EBF2: variants seen among roughly 807,000 people sequenced by gnomAD.
The protein encoded by EBF2 is transcription factor COE2.
A neutral mutation model predicts 72.8 loss-of-function variants in EBF2; 21 were observed. The observed-to-expected ratio is 0.29, with a 90% confidence interval of 0.20 to 0.42. EBF2 has a LOEUF of 0.42. EBF2 is among the 10% of genes least tolerant of loss of function. EBF2 has a pLI of 1.00. For synonymous variants in EBF2, 299 were observed against 274.2 expected (o/e 1.09, Z -0.89); for missense variants, 637 against 731.2 (o/e 0.87, Z 1.49).
intron 6 of EBF2, among the ~76,000 whole-genome samples, chr8:26,002,046 G>A (rs1334104206): frequency 1.3e-5 from 2 of 152,194 alleles, no homozygotes; most frequent in South Asian, 2.1e-4. Flanking sequence ...ACAATAGCCA[G>A]AAAGGCCTCA....
intron 15 of EBF2, among the ~76,000 whole-genome samples, chr8:25,846,076 C>G (rs1563371406): frequency 6.6e-6 from 1 of 152,138 alleles, no homozygotes; most frequent in Admixed American, 6.6e-5. Flanking sequence ...GGATTAAGGT[C>G]TTACACAGCT....
intron 6 of EBF2, among the ~76,000 whole-genome samples, chr8:25,993,247 G>C (rs1804573829): frequency 6.6e-6 from 1 of 152,168 alleles, no homozygotes; most frequent in Non-Finnish European, 1.5e-5. Flanking sequence ...AGGTGCAAAT[G>C]AGACATCACT....
At chr8:25,934,272 CA>C (rs1563405459) in intron 6 of EBF2, among the ~76,000 whole-genome samples, 9 of 135,754 alleles carry the variant, frequency 6.6e-5, no homozygotes, top group Middle Eastern at 3.7e-3. Flanking sequence ...CACACACACA[CA>C]CACCAATCTT....
chr8:25,907,230 G>A (rs1803049639), intron 7 of EBF2, among the ~76,000 whole-genome samples: 1 of 151,538 alleles, frequency 6.6e-6, no homozygotes, highest in African/African-American at 2.4e-5. Context: ...ACCAACCTGG[G>A]CAACATGGCA....
chr8:26,013,609 C>A (rs1407373542), intron 6 of EBF2, among the ~76,000 whole-genome samples: 5 of 151,968 alleles, frequency 3.3e-5, no homozygotes, highest in South Asian at 2.1e-4. Flanking sequence ...CCCCAAATAG[C>A]AAATTGAGGT....
intron 6 of EBF2, among the ~76,000 whole-genome samples, chr8:25,931,107 T>C (rs897387836): frequency 1.1e-4 from 17 of 152,158 alleles, no homozygotes; most frequent in Admixed American, 1.1e-3. Flanking sequence ...CATTTTGCCA[T>C]AGAAACTTGG....
chr8:25,877,787 G>A (rs1477235606), intron 10 of EBF2, among the ~76,000 whole-genome samples: 2 of 152,094 alleles, frequency 1.3e-5, no homozygotes, highest in African/African-American at 4.8e-5. Flanking sequence ...CCTGGTGAAC[G>A]GACCCAGTCT....
At chr8:25,857,886 CTTGA>C (rs1290184906) in intron 14 of EBF2, among the ~76,000 whole-genome samples, 5 of 152,214 alleles carry the variant, frequency 3.3e-5, no homozygotes, top group African/African-American at 1.2e-4. Flanking sequence ...GCTATGTGAT[CTTGA>C]TTAAGTCAGA....
intron 10 of EBF2, among the ~76,000 whole-genome samples, chr8:25,866,522 TA>T (rs939544052): frequency 7.0e-6 from 1 of 143,464 alleles, no homozygotes; most frequent in Admixed American, 7.2e-5. Flanking sequence ...ATATATAATA[TA>T]AAAATATATA....
intron 10 of EBF2, among the ~76,000 whole-genome samples, chr8:25,875,749 C>T (rs150384250): frequency 2.0e-5 from 3 of 152,256 alleles, no homozygotes; most frequent in African/African-American, 4.8e-5. Flanking sequence ...GCCAAAAAGT[C>T]TCTGCAACAG....
chr8:25,866,990 C>T (rs1301502174), intron 10 of EBF2, among the ~76,000 whole-genome samples: 1 of 152,060 alleles, frequency 6.6e-6, no homozygotes, highest in Admixed American at 6.5e-5. Flanking sequence ...AGTAATGTAT[C>T]ATTTTCTTGG....
intron 6 of EBF2, among the ~76,000 whole-genome samples, chr8:25,982,045 C>A (rs575175716): frequency 1.2e-4 from 18 of 152,086 alleles, no homozygotes; most frequent in Non-Finnish European, 2.2e-4. Context: ...GCATTTGTCA[C>A]GGAGGGAGGT....
rs528908876 is a variant in EBF2 at position 25,847,460 on chromosome 8, AG to A, written c.1697-2821del. ...GGGAACTTCACAATGTTGGACACTG[AG>A]CTTCCATGCACCTGGTCTAAAACGA... On this transcript the variant is annotated intron_variant, in intron 15 of 15. Coordinates refer to ENST00000520164, the MANE Select transcript of EBF2 (RefSeq NM_022659.4). 7.2e-5 allele frequency among the ~76,000 whole-genome samples: 11 copies of A among 152,242 alleles called. No individual in the cohort carries two copies. The East Asian group carries it at 2.1e-3, about 29-fold the overall frequency.
At chr8:26,008,262 T>C (rs941414403) in intron 6 of EBF2, among the ~76,000 whole-genome samples, 15 of 152,212 alleles carry the variant, frequency 9.9e-5, no homozygotes, top group Non-Finnish European at 1.6e-4. Flanking sequence ...ATATGCATTA[T>C]GTCTGCATTC....
At chr8:26,010,263 A>G (rs983704926) in intron 6 of EBF2, among the ~76,000 whole-genome samples, 2 of 152,168 alleles carry the variant, frequency 1.3e-5, no homozygotes, top group Admixed American at 1.3e-4. Flanking sequence ...TTATTGGTCT[A>G]ATGAACTAAC....
At chr8:26,038,772 G>A (rs766609536) in intron 5 of EBF2, among the ~76,000 whole-genome samples, 86 of 152,198 alleles carry the variant, frequency 5.7e-4, no homozygotes, top group Non-Finnish European at 9.0e-4. Context: ...GCTTTCAGCT[G>A]AAGCCACTGG....
At chr8:25,978,741 C>T (rs1423273490) in intron 6 of EBF2, among the ~76,000 whole-genome samples, 2 of 152,180 alleles carry the variant, frequency 1.3e-5, no homozygotes, top group African/African-American at 4.8e-5. Flanking sequence ...CTTCCTCCGG[C>T]ACATGGAGTA....
rs150008371 is a variant in EBF2 at position 25,895,976 on chromosome 8, A to G, written c.634-6107T>C. Among the ~76,000 whole-genome samples the G allele has an allele frequency of 3.1e-3, 470 of 151,768 alleles. 1 individual carries two copies. Among genetic ancestry groups the G allele is most frequent in the Non-Finnish European group, 5.0e-3 (338 of 67,926 alleles). ...GTGTTTTAAGTACTTATCCTTCTCA[A>G]AACTCTAACTGTATGATTTAGTTGA... On this transcript the variant is annotated intron_variant, in intron 7 of 15. Coordinates refer to ENST00000520164, the MANE Select transcript of EBF2 (RefSeq NM_022659.4).
rs1801770760 is a variant in EBF2, at chr8:25,843,387, G to A, written c.*1222C>T. 1 of 152,230 alleles carries A rather than the reference G, an allele frequency of 6.6e-6. No homozygotes were observed. The highest frequency in any genetic ancestry group is 6.5e-5 in the Admixed American group (1 of 15,280). The allele number at this position is 152,230 out of a possible 1,614,324, so 9.4% of individuals were successfully genotyped here. On this transcript the variant is annotated 3_prime_UTR_variant, in exon 16 of 16. Transcript: ENST00000520164. ...GATGTTCTAAGACTGACTCTAAAGAGTCCATCAAACAGAGTTATCTTCTCC... is the reference window on the plus strand; with the variant it reads ...GATGTTCTAAGACTGACTCTAAAGAATCCATCAAACAGAGTTATCTTCTCC...
Sources: allele counts gnomAD v4.1 joint callset (sites outside exome capture counted in the v4.1 genomes callset), GRCh38; gene constraint gnomAD v4.1.1; transcripts MANE v1.5; gene names NCBI Gene and HGNC (gene_info 2026-07-23, HGNC 2026-07-21).